SRPX: variants seen among roughly 807,000 people sequenced by gnomAD.
SRPX encodes sushi repeat-containing protein SRPX.
A neutral mutation model predicts 38.1 loss-of-function variants in SRPX; 24 were observed. The ratio of observed to expected loss-of-function variants is 0.63; its 90% CI spans 0.46 to 0.89. The LOEUF (loss-of-function observed/expected upper bound fraction) is 0.89, where lower values mean the gene tolerates loss of function less well. SRPX is among the 40% of genes least tolerant of loss of function. SRPX has a pLI of 0.00. For synonymous variants in SRPX, 184 were observed against 153.8 expected (o/e 1.20, Z -1.45); for missense variants, 416 against 377.8 (o/e 1.10, Z -0.84).
chrX:38,187,097 G>A (rs193283122), intron 1 of SRPX, among the ~76,000 whole-genome samples: 1 of 111,392 alleles, frequency 9.0e-6, no homozygotes, highest in African/African-American at 3.3e-5. Context: ...ATATGTTTTA[G>A]TTTTACAAGT....
intron 1 of SRPX, among the ~76,000 whole-genome samples, chrX:38,188,303 C>G (rs1938825675): frequency 8.9e-6 from 1 of 111,925 alleles, no homozygotes; most frequent in Non-Finnish European, 1.9e-5. Flanking sequence ...TCAGATGAAA[C>G]AAGTTTATAG....
intron 8 of SRPX, 123 bp from the exon 9 acceptor site, chrX:38,154,706 C>G: frequency 1.1e-6 from 1 of 917,938 alleles, no homozygotes; most frequent in Non-Finnish European, 1.5e-6. Context: ...TCACTCTGAA[C>G]TGTCCTGAAA....
chrX:38,150,055 G>C (rs1197622856), intron 9 of SRPX, among the ~76,000 whole-genome samples, 161 bp from the exon 10 acceptor site: 1 of 111,645 alleles, frequency 9.0e-6, no homozygotes, highest in African/African-American at 3.3e-5. Flanking sequence ...TGTGACCCTT[G>C]AACCAGCAGC....
At chrX:38,170,270 T>G (rs1049267883) in intron 4 of SRPX, among the ~76,000 whole-genome samples, 2 of 112,065 alleles carry the variant, frequency 1.8e-5, no homozygotes, top group African/African-American at 6.5e-5. Context: ...TGTGGAAATC[T>G]GGGAACTACT....
At chrX:38,163,050 A>C (rs1017174597) in intron 5 of SRPX, among the ~76,000 whole-genome samples, 4 of 112,399 alleles carry the variant, frequency 3.6e-5, no homozygotes, top group African/African-American at 6.5e-5. Context: ...GAAGAGTCAA[A>C]GGTAAATAAA....
At chrX:38,150,345 T>C (rs921959520) in intron 9 of SRPX, among the ~76,000 whole-genome samples, 6 of 112,199 alleles carry the variant, frequency 5.3e-5, no homozygotes, top group African/African-American at 1.9e-4. Context: ...GTTTGCTGAC[T>C]AGTGTTGCAC....
chrX:38,192,363 G>C (rs1167525995), intron 1 of SRPX, among the ~76,000 whole-genome samples: 1 of 111,389 alleles, frequency 9.0e-6, no homozygotes, highest in Admixed American at 9.6e-5. Flanking sequence ...TCCCTGGGGG[G>C]ATGGCTCAGG....
rs775363036 is a variant in SRPX at position 38,165,661 on chromosome X, G to A, written c.527-766C>T. ...GGCACTGTGAATTACAATCTAAGTC[G>A]GAGCACTTGCCACTGGAACAAGCTC... On this transcript the variant is annotated intron_variant, in intron 4 of 9. Coordinates refer to ENST00000378533, the MANE Select transcript of SRPX (RefSeq NM_006307.5). 3.8e-4 allele frequency among the ~76,000 whole-genome samples: 43 copies of A among 111,815 alleles called. 1 individual carries two copies. Among genetic ancestry groups the A allele is most frequent in the Non-Finnish European group, 7.1e-4 (38 of 53,172 alleles).
At chrX:38,152,186 C>T (rs1214791481) in intron 9 of SRPX, among the ~76,000 whole-genome samples, 1 of 112,135 alleles carries the variant, frequency 8.9e-6, no homozygotes. Flanking sequence ...CTAAAAAACA[C>T]CTTTCCAATT....
chrX:38,151,405 G>A (rs1046122672), intron 9 of SRPX, among the ~76,000 whole-genome samples: 2 of 112,075 alleles, frequency 1.8e-5, no homozygotes, highest in Admixed American at 9.4e-5. Flanking sequence ...GAGCTCTCAG[G>A]AAACAGAGGA....
chrX:38,209,812 CTTTCG>C (rs1939284496), intron 1 of SRPX, among the ~76,000 whole-genome samples: 1 of 112,286 alleles, frequency 8.9e-6, no homozygotes, highest in South Asian at 3.7e-4. Context: ...AAGTTGGTGG[CTTTCG>C]TCTCAAAAAA....
At chrX:38,154,340 T>G (rs1938085619) in intron 9 of SRPX, 122 bp downstream of exon 9, 6 of 804,715 alleles carry the variant, frequency 7.5e-6, no homozygotes, top group Non-Finnish European at 1.0e-5. Context: ...ACTCCCAGAA[T>G]AAAAGCAATT....
At chrX:38,199,173 G>A (rs918266129) in intron 1 of SRPX, among the ~76,000 whole-genome samples, 10 of 111,686 alleles carry the variant, frequency 9.0e-5, no homozygotes, top group Non-Finnish European at 1.7e-4. Flanking sequence ...TTGGGAGGCC[G>A]AGGCGGGTGG....
chrX:38,191,276 C>A (rs777562321), intron 1 of SRPX, among the ~76,000 whole-genome samples: 4 of 112,050 alleles, frequency 3.6e-5, no homozygotes, highest in Non-Finnish European at 7.5e-5. Context: ...CTAAAACATA[C>A]AGCATGACAT....
rs1172584180 is a variant in SRPX at position 38,160,976 on chromosome X, T to C, written c.732A>G (p.Arg244=). Residue 244 remains arginine, a synonymous_variant, in exon 6 of 10, where the codon AGA becomes AGG. Transcript: ENST00000378533. ...ATTTGCAAGTGCCCTTATTCTCAGCTCTGTCATAGACTGTGTACTGGATCT... is the reference window on the plus strand; with the variant it reads ...ATTTGCAAGTGCCCTTATTCTCAGCCCTGTCATAGACTGTGTACTGGATCT... ...DHKIQYTVYD[R]AENKGTCKFR... 3 of 1,209,613 alleles carry C rather than the reference T, an allele frequency of 2.5e-6. No homozygotes were observed. The South Asian group carries it at 5.3e-5, about 21-fold the overall frequency.
intron 1 of SRPX, among the ~76,000 whole-genome samples, chrX:38,197,723 G>A (rs1212400411): frequency 8.9e-6 from 1 of 112,277 alleles, no homozygotes; most frequent in Non-Finnish European, 1.9e-5. Context: ...TAGATTTGTA[G>A]CCTGAAGAAA....
chrX:38,206,972 G>T (rs1035166826), intron 1 of SRPX, among the ~76,000 whole-genome samples: 1 of 111,959 alleles, frequency 8.9e-6, no homozygotes, highest in Non-Finnish European at 1.9e-5. Flanking sequence ...TGCTTCCACA[G>T]CTGTTTCATC....
At chrX:38,168,121 G>C (rs993794914) in intron 4 of SRPX, among the ~76,000 whole-genome samples, 1 of 111,226 alleles carries the variant, frequency 9.0e-6, no homozygotes, top group African/African-American at 3.3e-5. Context: ...CATCTAACCC[G>C]GTAGGTAGTG....
At chrX:38,189,029 T>A (rs1204430081) in intron 1 of SRPX, among the ~76,000 whole-genome samples, 2 of 111,474 alleles carry the variant, frequency 1.8e-5, no homozygotes, top group African/African-American at 3.3e-5. Flanking sequence ...AGGGCATAGA[T>A]GTTATATCCC....
Sources: allele counts gnomAD v4.1 joint callset (sites outside exome capture counted in the v4.1 genomes callset), GRCh38; gene constraint gnomAD v4.1.1; transcripts MANE v1.5; gene names NCBI Gene and HGNC (gene_info 2026-07-23, HGNC 2026-07-21).